The following SHISA9 variants were observed in gnomAD, a reference collection of about 807,000 sequenced individuals.
SHISA9 encodes protein shisa-9.
In SHISA9, 13 loss-of-function variants were observed where a neutral mutation model predicts 38.0. The observed-to-expected ratio is 0.34, with a 90% confidence interval of 0.22 to 0.54. The LOEUF (loss-of-function observed/expected upper bound fraction) is 0.54, where lower values mean the gene tolerates loss of function less well. SHISA9 is among the 20% of genes least tolerant of loss of function. SHISA9 has a pLI of 0.91. For missense variants in SHISA9, 538 were observed against 575.8 expected, an observed-to-expected ratio of 0.93 and a Z score of 0.67; for synonymous variants, 275 against 242.0, an observed-to-expected ratio of 1.14 and a Z score of -1.27.
chr16:13,235,296 AAGCTTGGC>A lies in SHISA9; in HGVS notation c.1164_1171del (p.Lys388AsnfsTer65). ...GCGGCAGGCTTACAGCAACAAGGGC[AAGCTTGGC>A]ACGGCCGAGACAGGCTCCAGCGACC... On this transcript the variant is annotated frameshift_variant, in exon 5 of 5. Coordinates refer to ENST00000558583, the MANE Select transcript of SHISA9 (RefSeq NM_001145204.3). LOFTEE classifies it high-confidence loss of function. 6.4e-7 allele frequency: 1 copy of A among 1,551,324 alleles called. No homozygotes were observed. The highest frequency in any genetic ancestry group is 8.7e-7 in the Non-Finnish European group (1 of 1,147,024).
the SHISA9 span, among the ~76,000 whole-genome samples, chr16:13,544,502 G>A: frequency 2.2e-4 from 30 of 136,854 alleles, no homozygotes; most frequent in African/African-American, 7.9e-4. Context: ...GAAGTTTTCA[G>A]GGAGATTGCA....
chr16:13,469,423 A>AAGAAAG, the SHISA9 span, among the ~76,000 whole-genome samples: 449 of 115,616 alleles, frequency 3.9e-3, 7 homozygotes, highest in East Asian at 6.3e-3. Flanking sequence ...GAAAGAAAGA[A>AAGAAAG]AAAGAAAGAA....
At chr16:13,206,860 T>A (rs1204319193) in intron 3 of SHISA9, among the ~76,000 whole-genome samples, 1 of 152,202 alleles carries the variant, frequency 6.6e-6, no homozygotes, top group Non-Finnish European at 1.5e-5. Context: ...TCAAATATAC[T>A]CAGTGTTACT....
At chr16:13,392,977 GGTC>G in the SHISA9 span, among the ~76,000 whole-genome samples, 1 of 152,190 alleles carries the variant, frequency 6.6e-6, no homozygotes, top group African/African-American at 2.4e-5. Flanking sequence ...AAGCGAAACA[GGTC>G]GTGGTACCTT....
chr16:13,226,460 C>T (rs920474681), intron 4 of SHISA9, among the ~76,000 whole-genome samples: 2 of 152,164 alleles, frequency 1.3e-5, no homozygotes, highest in African/African-American at 4.8e-5. Context: ...ATTAGATGGC[C>T]TGAGGATCCC....
At chr16:13,368,814 A>G in the SHISA9 span, among the ~76,000 whole-genome samples, 124,465 of 151,900 alleles carry the variant, frequency 0.82, 51,128 homozygotes, top group East Asian at 0.96. Flanking sequence ...ACTTCAAAAT[A>G]CAGAAGGAAA....
chr16:12,930,688 G>A (rs2071450799), intron 2 of SHISA9, among the ~76,000 whole-genome samples: 1 of 152,060 alleles, frequency 6.6e-6, no homozygotes, highest in Non-Finnish European at 1.5e-5. Context: ...CTTAACACTG[G>A]TGATGCAAAG....
At chr16:13,071,859 C>T (rs1290622707) in intron 2 of SHISA9, among the ~76,000 whole-genome samples, 1 of 151,790 alleles carries the variant, frequency 6.6e-6, no homozygotes, top group East Asian at 1.9e-4. Context: ...TTGCCCAGGC[C>T]TGTCTCCAAC....
At chr16:13,524,447 T>G in the SHISA9 span, among the ~76,000 whole-genome samples, 2 of 152,248 alleles carry the variant, frequency 1.3e-5, no homozygotes, top group Non-Finnish European at 2.9e-5. Flanking sequence ...ATTTCAAGAC[T>G]GCTTTCAGCC....
chr16:13,061,715 C>G (rs1308221647), intron 2 of SHISA9, among the ~76,000 whole-genome samples: 1 of 152,172 alleles, frequency 6.6e-6, no homozygotes, highest in Non-Finnish European at 1.5e-5. Context: ...ACCCATTAAC[C>G]AGCTACATAA....
At chr16:13,548,468 G>C in the SHISA9 span, among the ~76,000 whole-genome samples, 1 of 152,178 alleles carries the variant, frequency 6.6e-6, no homozygotes, top group African/African-American at 2.4e-5. Flanking sequence ...TCTGACAAGA[G>C]GTTAATATCC....
At chr16:13,491,717 T>C in the SHISA9 span, among the ~76,000 whole-genome samples, 1 of 150,292 alleles carries the variant, frequency 6.7e-6, no homozygotes, top group South Asian at 2.1e-4. Flanking sequence ...CTCAAACTCC[T>C]GATCTCAAGA....
At chr16:13,198,117 G>A (rs1325725911) in intron 2 of SHISA9, among the ~76,000 whole-genome samples, 3 of 152,008 alleles carry the variant, frequency 2.0e-5, no homozygotes, top group Admixed American at 1.3e-4. Context: ...CCTGGGAGGC[G>A]GAGGTCACAG....
the SHISA9 span, among the ~76,000 whole-genome samples, chr16:13,451,897 G>A: frequency 1.3e-5 from 2 of 152,154 alleles, no homozygotes; most frequent in African/African-American, 4.8e-5. Context: ...TTCTTCTCAG[G>A]GCTTCGGATT....
At chr16:13,161,675 T>C (rs574302572) in intron 2 of SHISA9, among the ~76,000 whole-genome samples, 1 of 152,300 alleles carries the variant, frequency 6.6e-6, no homozygotes, top group South Asian at 2.1e-4. Context: ...CCTTTATCCC[T>C]TGACTCTTAG....
the SHISA9 span, among the ~76,000 whole-genome samples, chr16:13,341,378 T>C: frequency 6.6e-6 from 1 of 152,164 alleles, no homozygotes; most frequent in Non-Finnish European, 1.5e-5. Flanking sequence ...TTTAATCTTG[T>C]ATGAGTGGAT....
chr16:13,196,163 T>C (rs1003449340), intron 2 of SHISA9, among the ~76,000 whole-genome samples: 100 of 138,824 alleles, frequency 7.2e-4, no homozygotes, highest in African/African-American at 2.6e-3. Flanking sequence ...TTTGAGAGGC[T>C]GAGGTGGGCG....
At chr16:13,514,124 A>G in the SHISA9 span, among the ~76,000 whole-genome samples, 8 of 152,184 alleles carry the variant, frequency 5.3e-5, no homozygotes, top group South Asian at 1.7e-3. Context: ...CCTCCTGAGT[A>G]GCTGGGAATA....
intron 2 of SHISA9, among the ~76,000 whole-genome samples, chr16:13,117,369 G>C (rs190540187): frequency 2.4e-4 from 37 of 152,268 alleles, no homozygotes; most frequent in African/African-American, 8.4e-4. Context: ...CGTGTGTTTG[G>C]ATACCTGCTG....
Sources: allele counts gnomAD v4.1 joint callset (sites outside exome capture counted in the v4.1 genomes callset), GRCh38; gene constraint gnomAD v4.1.1; transcripts MANE v1.5; gene names NCBI Gene and HGNC (gene_info 2026-07-23, HGNC 2026-07-21).